The following PDE10A variants were observed in gnomAD, a reference collection of about 807,000 sequenced individuals.
The protein encoded by PDE10A is phosphodiesterase 10A.
In PDE10A, 39 loss-of-function variants were observed where a neutral mutation model predicts 97.7. The ratio of observed to expected loss-of-function variants is 0.40; its 90% CI spans 0.31 to 0.52. PDE10A has a LOEUF of 0.52. PDE10A is among the 20% of genes least tolerant of loss of function. PDE10A has a pLI of 0.56. For synonymous variants in PDE10A, 371 were observed against 376.8 expected (o/e 0.98, Z 0.18); for missense variants, 731 against 1,047.8 (o/e 0.70, Z 4.17).
chr6:165,572,443 T>C (rs1383671853), intron 1 of PDE10A, among the ~76,000 whole-genome samples: 1 of 152,196 alleles, frequency 6.6e-6, no homozygotes, highest in Admixed American at 6.5e-5. Context: ...AAAAAATTAG[T>C]TTATACCCAG....
intron 1 of PDE10A, among the ~76,000 whole-genome samples, chr6:165,709,141 C>G (rs1272805096): frequency 7.4e-6 from 1 of 134,346 alleles, no homozygotes; most frequent in Admixed American, 7.3e-5. Context: ...CTCCCACGCT[C>G]TGTCCCCACT....
intron 1 of PDE10A, among the ~76,000 whole-genome samples, chr6:165,901,227 T>C (rs1251623604): frequency 1.3e-5 from 2 of 152,206 alleles, no homozygotes; most frequent in Non-Finnish European, 2.9e-5. Flanking sequence ...AGGAACTCTG[T>C]GCTCCCCCAA....
chr6:165,502,175 A>G (rs893112474), intron 2 of PDE10A, among the ~76,000 whole-genome samples: 10 of 152,236 alleles, frequency 6.6e-5, no homozygotes, highest in African/African-American at 2.2e-4. Context: ...TAAAATGTGT[A>G]TAAGAAAACA....
chr6:165,554,724 G>A (rs1356383255), intron 1 of PDE10A, among the ~76,000 whole-genome samples: 3 of 152,126 alleles, frequency 2.0e-5, no homozygotes, highest in Non-Finnish European at 4.4e-5. Context: ...TCTGTTTGTT[G>A]CAGCATTGTT....
At chr6:165,703,356 G>A (rs1791628199) in intron 1 of PDE10A, among the ~76,000 whole-genome samples, 1 of 152,152 alleles carries the variant, frequency 6.6e-6, no homozygotes, top group Non-Finnish European at 1.5e-5. Flanking sequence ...AAACATGCAT[G>A]TCATTTCGCC....
chr6:165,522,741 C>A (rs1253715939), intron 2 of PDE10A, among the ~76,000 whole-genome samples: 1 of 151,994 alleles, frequency 6.6e-6, no homozygotes, highest in Non-Finnish European at 1.5e-5. Context: ...TCTTATCACT[C>A]TTATTTAGCA....
rs1176365937 is a variant in PDE10A at position 165,662,919 on chromosome 6, C to T, written c.-108G>A. On this transcript the variant is annotated 5_prime_UTR_variant, in exon 1 of 22. Transcript: ENST00000539869. ...GGACCTGCCCACCCCTGCCGGCCGC[C>T]CGAACCGCTGCCTGGTCCTCCTCTC... Among the ~76,000 whole-genome samples the T allele has an allele frequency of 1.3e-5, 2 of 151,292 alleles. No individual in the cohort carries two copies. Among genetic ancestry groups the T allele is most frequent in the African/African-American group, 4.8e-5 (2 of 41,292 alleles).
chr6:165,962,146 G>A (rs73260544), intron 1 of PDE10A, among the ~76,000 whole-genome samples: 10,753 of 152,244 alleles, frequency 0.071, 994 homozygotes, highest in African/African-American at 0.21. Flanking sequence ...TTGCCCCCAC[G>A]GGCAACACTG....
chr6:165,927,354 G>A (rs1782968819), intron 1 of PDE10A, among the ~76,000 whole-genome samples: 1 of 151,762 alleles, frequency 6.6e-6, no homozygotes, highest in South Asian at 2.1e-4. Flanking sequence ...ACAACAGATT[G>A]GTTAAATTAT....
chr6:165,603,242 A>G (rs572191127), intron 1 of PDE10A, among the ~76,000 whole-genome samples: 1 of 152,298 alleles, frequency 6.6e-6, no homozygotes, highest in South Asian at 2.1e-4. Context: ...AGCCATGTTG[A>G]GGAACCCCTG....
intron 1 of PDE10A, among the ~76,000 whole-genome samples, chr6:165,980,155 C>T (rs1784970015): frequency 6.6e-6 from 1 of 152,160 alleles, no homozygotes; most frequent in Non-Finnish European, 1.5e-5. Context: ...ATACTCTATC[C>T]CACTCTTTTG....
chr6:165,943,268 AAG>A lies in PDE10A; in HGVS notation c.-615+44259_-615+44260del, dbSNP rs1562809924. ...GAAGGAAGGAAGGAAGGAAGGAAGGAAGGAAGGAAAGAAAGAAAGAAAGAAGG... is the reference window on the plus strand; with the variant it reads ...GAAGGAAGGAAGGAAGGAAGGAAGGAGAAGGAAAGAAAGAAAGAAAGAAGG... On this transcript the variant is annotated intron_variant, in intron 1 of 19. Transcript: ENST00000366882. Among the ~76,000 whole-genome samples, 7 of 125,500 alleles carry A rather than the reference AAG, an allele frequency of 5.6e-5. 1 individual carries two copies. The highest frequency in any genetic ancestry group is 2.4e-4 in the African/African-American group (7 of 29,048). The allele number at this position is 125,500 out of a possible 152,430, so 82.3% of individuals were successfully genotyped here.
intron 1 of PDE10A, among the ~76,000 whole-genome samples, chr6:165,748,620 G>A (rs1245877821): frequency 1.3e-5 from 2 of 152,162 alleles, no homozygotes; most frequent in African/African-American, 4.8e-5. Flanking sequence ...AAATATGTGG[G>A]CTGCAGAAGC....
intron 1 of PDE10A, among the ~76,000 whole-genome samples, chr6:165,974,881 T>A (rs1374850565): frequency 6.6e-6 from 1 of 152,218 alleles, no homozygotes; most frequent in Non-Finnish European, 1.5e-5. Flanking sequence ...CACAGTTTTC[T>A]CTTGAACTTT....
chr6:165,931,640 C>T (rs1165182994), intron 1 of PDE10A, among the ~76,000 whole-genome samples: 1 of 152,222 alleles, frequency 6.6e-6, no homozygotes, highest in African/African-American at 2.4e-5. Flanking sequence ...TTGCAGCCCT[C>T]CAGAGTCGCA....
At chr6:165,931,144 T>G (rs1783121207) in intron 1 of PDE10A, among the ~76,000 whole-genome samples, 2 of 152,250 alleles carry the variant, frequency 1.3e-5, no homozygotes, top group Admixed American at 6.5e-5. Context: ...CTCCTTCCAT[T>G]CTTCAGGCCT....
intron 2 of PDE10A, among the ~76,000 whole-genome samples, chr6:165,500,181 ATACT>A (rs914192144): frequency 2.6e-5 from 4 of 152,186 alleles, no homozygotes; most frequent in African/African-American, 9.7e-5. Flanking sequence ...ACACACATAC[ATACT>A]AATAACATAG....
intron 1 of PDE10A, among the ~76,000 whole-genome samples, chr6:165,815,156 G>T (rs1431088735): frequency 6.6e-6 from 1 of 152,136 alleles, no homozygotes; most frequent in Non-Finnish European, 1.5e-5. Context: ...CCAGTGCCCT[G>T]GGCCCAGCTC....
intron 1 of PDE10A, among the ~76,000 whole-genome samples, chr6:165,806,564 G>A (rs1244087633): frequency 3.3e-5 from 5 of 152,174 alleles, no homozygotes; most frequent in Non-Finnish European, 7.3e-5. Context: ...CGTGGGATGT[G>A]CTATTCTGGG....
Sources: allele counts gnomAD v4.1 joint callset (sites outside exome capture counted in the v4.1 genomes callset), GRCh38; gene constraint gnomAD v4.1.1; transcripts MANE v1.5; gene names NCBI Gene and HGNC (gene_info 2026-07-23, HGNC 2026-07-21).